Variants in NRG1 observed in about 807,000 individuals in gnomAD.
NRG1 encodes the protein pro-neuregulin-1, membrane-bound isoform.
In NRG1, 18 loss-of-function variants were observed where a neutral mutation model predicts 63.8. The ratio of observed to expected loss-of-function variants is 0.28; its 90% confidence interval spans 0.19 to 0.42. The LOEUF is 0.42. NRG1 is among the 10% of genes least tolerant of loss of function. NRG1 has a pLI of 1.00. For synonymous variants in NRG1, 302 were observed against 301.3 expected, an observed-to-expected ratio of 1.00 and a Z score of -0.02; for missense variants, 762 against 814.7, an observed-to-expected ratio of 0.94 and a Z score of 0.79.
At chr8:32,293,180 G>C (rs951076874) in intron 1 of NRG1, among the ~76,000 whole-genome samples, 3 of 152,160 alleles carry the variant, frequency 2.0e-5, no homozygotes, top group Non-Finnish European at 2.9e-5. Flanking sequence ...CCTGGAACCT[G>C]TGATTGTTCC....
intron 1 of NRG1, among the ~76,000 whole-genome samples, chr8:32,049,228 A>G (rs1047275719): frequency 1.3e-5 from 2 of 152,190 alleles, no homozygotes; most frequent in African/African-American, 4.8e-5. Flanking sequence ...GTGACTCTGC[A>G]GAGCTTGGTA....
chr8:32,760,306 G>A (rs1428169959), exon 11 of NRG1: 1 of 1,613,952 alleles, frequency 6.2e-7, no homozygotes, highest in Non-Finnish European at 8.5e-7. Flanking sequence ...GGGCCCAAGA[G>A]GACGTCTTAA....
intron 1 of NRG1, among the ~76,000 whole-genome samples, chr8:31,860,482 C>T (rs1828374068): frequency 6.6e-6 from 1 of 152,110 alleles, no homozygotes; most frequent in Admixed American, 6.5e-5. Flanking sequence ...GGTTTCAAAC[C>T]TATTAGATGT....
At chr8:32,160,530 A>G (rs1838707948) in intron 1 of NRG1, among the ~76,000 whole-genome samples, 1 of 152,224 alleles carries the variant, frequency 6.6e-6, no homozygotes. Flanking sequence ...TCCAGAGTCT[A>G]TGACCTTAAC....
At chr8:32,665,420 CTG>C (rs1483841690) in intron 5 of NRG1, among the ~76,000 whole-genome samples, 4 of 152,104 alleles carry the variant, frequency 2.6e-5, no homozygotes, top group African/African-American at 9.7e-5. Flanking sequence ...CAAAGAAGAG[CTG>C]TGTGTTCATT....
At chr8:32,667,487 C>A (rs752346275) in intron 5 of NRG1, among the ~76,000 whole-genome samples, 6 of 152,058 alleles carry the variant, frequency 3.9e-5, no homozygotes, top group Non-Finnish European at 8.8e-5. Flanking sequence ...ACCAATGGAA[C>A]CTTTTTTTAG....
intron 1 of NRG1, among the ~76,000 whole-genome samples, chr8:32,456,518 G>A (rs931104371): frequency 6.6e-6 from 1 of 152,172 alleles, no homozygotes; most frequent in Non-Finnish European, 1.5e-5. Context: ...GATGACCAGG[G>A]TAAAGACCTT....
Position 31,701,414 on chromosome 8 carries a change from T to G in NRG1, c.37+61983T>G, listed in dbSNP as rs558888370. Among the ~76,000 whole-genome samples the G allele has an allele frequency of 2.5e-4, 38 of 152,316 alleles. 1 individual carries two copies. The South Asian group carries it at 5.0e-3, about 20-fold the overall frequency. ...CTTGTTAATTTCTTGACATAAAAGC[T>G]CTTATGAACATACATATTCCGAACT... On this transcript the variant is annotated intron_variant, in intron 1 of 10. Coordinates refer to the NRG1 transcript ENST00000519301.
intron 1 of NRG1, among the ~76,000 whole-genome samples, chr8:32,080,924 T>A (rs1230190978): frequency 6.6e-6 from 1 of 152,000 alleles, no homozygotes. Flanking sequence ...CAGGAAAAGC[T>A]GATGTTGCAG....
At chr8:32,356,254 T>G (rs1806372632) in intron 1 of NRG1, among the ~76,000 whole-genome samples, 1 of 152,196 alleles carries the variant, frequency 6.6e-6, no homozygotes, top group Non-Finnish European at 1.5e-5. Context: ...CCATTTCCAG[T>G]CTCACTTTCC....
intron 1 of NRG1, among the ~76,000 whole-genome samples, chr8:31,680,532 G>T (rs1243212821): frequency 6.6e-6 from 1 of 151,028 alleles, no homozygotes; most frequent in African/African-American, 2.4e-5. Context: ...TCTTAATCCA[G>T]TCTATCATTG....
intron 1 of NRG1, among the ~76,000 whole-genome samples, chr8:32,367,208 C>T (rs1808182625): frequency 6.6e-6 from 1 of 152,066 alleles, no homozygotes; most frequent in Non-Finnish European, 1.5e-5. Context: ...TTTGAGAAAC[C>T]TCCGAACTAT....
At chr8:32,745,835 A>G (rs1589554441) in intron 7 of NRG1, among the ~76,000 whole-genome samples, 2 of 152,210 alleles carry the variant, frequency 1.3e-5, no homozygotes, top group African/African-American at 4.8e-5. Context: ...CTAACATAAT[A>G]GGACCTAATT....
chr8:31,869,903 C>A (rs75860517), intron 1 of NRG1, among the ~76,000 whole-genome samples: 1,823 of 152,208 alleles, frequency 0.012, 42 homozygotes, highest in African/African-American at 0.042. Context: ...ATTCATATTT[C>A]CTTATAGAAC....
At chr8:31,756,093 A>C (rs1160865046) in intron 1 of NRG1, among the ~76,000 whole-genome samples, 1 of 152,162 alleles carries the variant, frequency 6.6e-6, no homozygotes, top group Non-Finnish European at 1.5e-5. Flanking sequence ...CAAGATCCTT[A>C]CAGTCATAGC....
chr8:31,726,969 G>A (rs1238323451), intron 1 of NRG1, among the ~76,000 whole-genome samples: 4 of 152,120 alleles, frequency 2.6e-5, no homozygotes, highest in Admixed American at 6.6e-5. Context: ...TTGTTTCTAG[G>A]CAGCACACCA....
chr8:32,206,858 G>T (rs886844181), intron 1 of NRG1, among the ~76,000 whole-genome samples: 1 of 152,116 alleles, frequency 6.6e-6, no homozygotes, highest in Non-Finnish European at 1.5e-5. Flanking sequence ...ACGTTATTTA[G>T]CAGCCACTTA....
intron 2 of NRG1, among the ~76,000 whole-genome samples, chr8:32,596,773 G>C (rs1177873765): frequency 6.6e-6 from 1 of 151,976 alleles, no homozygotes; most frequent in African/African-American, 2.4e-5. Context: ...TTTAACAAGG[G>C]GTTAATGATA....
At chr8:31,919,041 T>G (rs1238144221) in intron 1 of NRG1, among the ~76,000 whole-genome samples, 1 of 152,178 alleles carries the variant, frequency 6.6e-6, no homozygotes. Context: ...GTGGGATCAG[T>G]GGTGATATCC....
Sources: gnomAD v4.1 joint callset for allele counts (sites outside exome capture counted in the v4.1 genomes callset) on GRCh38, gnomAD v4.1.1 for gene constraint, MANE v1.5 for transcripts, NCBI Gene and HGNC (gene_info 2026-07-23, HGNC 2026-07-21) for gene names.